The following DMAC1 variants were observed in gnomAD, a reference collection of about 807,000 sequenced individuals.
The protein encoded by DMAC1 is distal membrane-arm assembly complex protein 1.
In DMAC1, 10 loss-of-function variants were observed where a neutral mutation model predicts 7.0. The ratio of observed to expected loss-of-function variants is 1.43; its 90% CI spans 0.88 to 2.43. DMAC1 has a LOEUF of 2.43. Among genes scored for constraint, DMAC1 ranks in the 30% most tolerant of loss-of-function variants. The pLI is 0.00. For synonymous variants in DMAC1, 92 were observed against 66.2 expected (o/e 1.39, Z -1.90); for missense variants, 219 against 158.7 (o/e 1.38, Z -2.04).
Position 7,796,978 on chromosome 9 carries a change from T to C in DMAC1, c.*1595A>G, listed in dbSNP as rs537046669. 2 of 152,332 alleles carry C rather than the reference T, an allele frequency of 1.3e-5. No homozygotes were observed. Among genetic ancestry groups the C allele is most frequent in the South Asian group, 4.1e-4 (2 of 4,830 alleles). The allele number at this position is 152,332 out of a possible 1,614,324, so 9.4% of individuals were successfully genotyped here. ...GCAAATGTTCAGCGCTCTTAACTCC[T>C]GTGTTGTCCAAGGGTCAACTGTATA... On this transcript the variant is annotated 3_prime_UTR_variant, in exon 2 of 2. Coordinates refer to ENST00000358227, the MANE Select transcript of DMAC1 (RefSeq NM_033428.3).
At chr9:7,798,930 A>G (rs975357551) in intron 1 of DMAC1, among the ~76,000 whole-genome samples, 1 of 152,192 alleles carries the variant, frequency 6.6e-6, no homozygotes, top group Non-Finnish European at 1.5e-5. Context: ...GTTTGATTGG[A>G]TGACATCTTG....
rs1349609872 is a variant in DMAC1, at chr9:7,798,407, C to G, written c.*166G>C. ...TGTGAAGGCCACAAACACTCCATAG[C>G]CAGAGAATGACAACATACGATTTTC... On this transcript the variant is annotated 3_prime_UTR_variant, in exon 2 of 2. Coordinates refer to ENST00000358227, the MANE Select transcript of DMAC1 (RefSeq NM_033428.3). The G allele has an allele frequency of 4.0e-6, 3 of 754,180 alleles. No individual in the cohort carries two copies. Among genetic ancestry groups the G allele is most frequent in the African/African-American group, 1.7e-5 (1 of 58,448 alleles). 46.7% of individuals were successfully genotyped at this position (754,180 alleles called of 1,614,324 possible).
At position 7,799,737 on chromosome 9, in the gene DMAC1, T is replaced by C. The variant is rs1462610220; in HGVS notation, c.-3A>G. On this transcript the variant is annotated 5_prime_UTR_variant, in exon 1 of 2. Coordinates refer to ENST00000358227, the MANE Select transcript of DMAC1 (RefSeq NM_033428.3). ...GGCTGGGACAACCGAGACCCCATGC[T>C]CTGGAACTCGGCCTCAACCTTGGGC... 3 of 1,518,436 alleles carry C rather than the reference T, an allele frequency of 2.0e-6. No homozygotes were observed. Among genetic ancestry groups the C allele is most frequent in the African/African-American group, 2.8e-5 (2 of 72,142 alleles). 94.1% of individuals were successfully genotyped at this position (1,518,436 alleles called of 1,614,324 possible). A position where few individuals can be genotyped will look rare whatever the true frequency, so the allele number is the denominator to read the frequency against.
In DMAC1 at chr9:7,799,662, T is replaced by G. The variant is rs1241157824; in HGVS notation, c.73A>C (p.Lys25Gln). The G allele has an allele frequency of 1.9e-6, 3 of 1,609,248 alleles. No homozygotes were observed. The highest frequency in any genetic ancestry group is 2.7e-5 in the African/African-American group (2 of 74,822). ...CCGGGTGTAGCTGGGGGCGCAGGTT[T>G]GGCGGGCGCGGCGGCGGTACCGGGA... ...APPGTAAAPA[K>Q]PAPPATPGAP... Residue 25 changes from lysine to glutamine, a missense_variant, in exon 1 of 2, where the codon AAA becomes CAA. Physicochemically the swap from Lys to Gln is moderately conservative, Grantham distance 53 (BLOSUM62 1). Coordinates refer to ENST00000358227, the MANE Select transcript of DMAC1 (RefSeq NM_033428.3).
At chr9:7,798,881 T>C (rs184610164) in intron 1 of DMAC1, among the ~76,000 whole-genome samples, 3 of 152,264 alleles carry the variant, frequency 2.0e-5, no homozygotes, top group African/African-American at 7.2e-5. Flanking sequence ...TAAAATTCTA[T>C]TCACTGACAA....
At chr9:7,799,401 G>C in intron 1 of DMAC1, 60 bp downstream of exon 1, 1 of 1,581,210 alleles carries the variant, frequency 6.3e-7, no homozygotes, top group Non-Finnish European at 8.6e-7. Context: ...TGGCTGCTCC[G>C]TTTCCTTCCT....
Position 7,798,537 on chromosome 9 carries a change from G to A in DMAC1, c.*36C>T, listed in dbSNP as rs1818664341. ...CCTGCTGTGTGTGTCACGGGGAAAG[G>A]GACAGAGACAGAAGACAGATTCACT... On this transcript the variant is annotated 3_prime_UTR_variant, in exon 2 of 2. Transcript: ENST00000358227. The A allele has an allele frequency of 6.2e-7, 1 of 1,609,924 alleles. No homozygotes were observed. The highest frequency in any genetic ancestry group is 2.2e-5 in the East Asian group (1 of 44,860).
rs770004403 is a variant in DMAC1, at chr9:7,798,451, C to T, written c.*122G>A. 1.9e-6 allele frequency: 2 copies of T among 1,076,744 alleles called. No individual in the cohort carries two copies. The highest frequency in any genetic ancestry group is 2.9e-6 in the Non-Finnish European group (2 of 691,008). The allele number at this position is 1,076,744 out of a possible 1,614,324, so 66.7% of individuals were successfully genotyped here. ...GATTTTCTTCTCAGTCTTGTAGTATCCACAGTAGTGATGTCTGTCCATGTA... is the reference window on the plus strand; with the variant it reads ...GATTTTCTTCTCAGTCTTGTAGTATTCACAGTAGTGATGTCTGTCCATGTA... On this transcript the variant is annotated 3_prime_UTR_variant, in exon 2 of 2. Transcript: ENST00000358227.
At chr9:7,798,700 T>C in intron 1 of DMAC1, 63 bp from the exon 2 acceptor site, 9 of 1,364,934 alleles carry the variant, frequency 6.6e-6, no homozygotes, top group Middle Eastern at 4.1e-4. Context: ...GTGTTTCACA[T>C]ATACGCCATC....
chr9:7,798,264 G>A lies in DMAC1; in HGVS notation c.*309C>T, dbSNP rs897066099. On this transcript the variant is annotated 3_prime_UTR_variant, in exon 2 of 2. Transcript: ENST00000358227. ...GCAATTATATAAGACATACTATTATGTTTATATATAATGCTTAATTAAGCA... is the reference window on the plus strand; with the variant it reads ...GCAATTATATAAGACATACTATTATATTTATATATAATGCTTAATTAAGCA... 3.8e-6 allele frequency: 1 copy of A among 259,750 alleles called. No individual in the cohort carries two copies. The highest frequency in any genetic ancestry group is 2.2e-5 in the African/African-American group (1 of 46,148). The allele number at this position is 259,750 out of a possible 1,614,324, so 16.1% of individuals were successfully genotyped here.
intron 1 of DMAC1, among the ~76,000 whole-genome samples, chr9:7,799,239 G>T (rs964160208): frequency 6.6e-6 from 1 of 151,658 alleles, no homozygotes; most frequent in Non-Finnish European, 1.5e-5. Context: ...AATTAAAAGG[G>T]CTGAGTCTAA....
At position 7,798,193 on chromosome 9, in the gene DMAC1, A is replaced by C. The variant is rs988461086; in HGVS notation, c.*380T>G. 2.4e-4 allele frequency: 37 copies of C among 156,252 alleles called. No individual in the cohort carries two copies. The highest frequency in any genetic ancestry group is 8.6e-4 in the African/African-American group (36 of 41,706). The allele number at this position is 156,252 out of a possible 1,614,324, so 9.7% of individuals were successfully genotyped here. A position where few individuals can be genotyped will look rare whatever the true frequency, so the allele number is the denominator to read the frequency against. On this transcript the variant is annotated 3_prime_UTR_variant, in exon 2 of 2. Coordinates refer to ENST00000358227, the MANE Select transcript of DMAC1 (RefSeq NM_033428.3). ...TTTAAAAGTTTTAAAAATTATACTA[A>C]CTATATAACTAAACATATTTATGTT... is the stretch of plus-strand genomic sequence containing the variant.
rs756244268 is a variant in DMAC1 at position 7,797,288 on chromosome 9, C to G, written c.*1285G>C. ...ATTTCATATAAATAATATCTTGTTG[C>G]GTACTTTAGGTTTGAAATGTTTTCT... On this transcript the variant is annotated 3_prime_UTR_variant, in exon 2 of 2. Coordinates refer to ENST00000358227, the MANE Select transcript of DMAC1 (RefSeq NM_033428.3). The G allele has an allele frequency of 1.2e-4, 19 of 152,124 alleles. No individual in the cohort carries two copies. Among genetic ancestry groups the G allele is most frequent in the African/African-American group, 4.1e-4 (17 of 41,402 alleles). 9.4% of individuals were successfully genotyped at this position (152,124 alleles called of 1,614,324 possible).
chr9:7,799,437 C>T, intron 1 of DMAC1, 24 bp downstream of exon 1: 1 of 1,611,398 alleles, frequency 6.2e-7, no homozygotes, highest in East Asian at 2.2e-5. Context: ...CCAACCCGCC[C>T]AAGTGCTGTG....
chr9:7,799,636 T>A lies in DMAC1; in HGVS notation c.99A>T (p.Gly33=). ...GGTGTTCTGCTGGGGAGGTCGGCGCTCCGGGTGTAGCTGGGGGCGCAGGTT... is the reference window on the plus strand; with the variant it reads ...GGTGTTCTGCTGGGGAGGTCGGCGCACCGGGTGTAGCTGGGGGCGCAGGTT... ...PAKPAPPATP[G]APTSPAEHRL... is the part of the protein sequence containing the mutation. Residue 33 remains glycine, a synonymous_variant, in exon 1 of 2, where the codon GGA becomes GGT. Coordinates refer to ENST00000358227, the MANE Select transcript of DMAC1 (RefSeq NM_033428.3). The A allele has an allele frequency of 3.7e-6, 6 of 1,612,668 alleles. No individual in the cohort carries two copies. Among genetic ancestry groups the A allele is most frequent in the Non-Finnish European group, 5.1e-6 (6 of 1,179,746 alleles).
rs1369454986 is a variant in DMAC1, at chr9:7,797,274, A to G, written c.*1299T>C. 6.6e-6 allele frequency: 1 copy of G among 152,214 alleles called. No homozygotes were observed. The highest frequency in any genetic ancestry group is 2.4e-5 in the African/African-American group (1 of 41,436). 9.4% of individuals were successfully genotyped at this position (152,214 alleles called of 1,614,324 possible). On this transcript the variant is annotated 3_prime_UTR_variant, in exon 2 of 2. Coordinates refer to ENST00000358227, the MANE Select transcript of DMAC1 (RefSeq NM_033428.3). ...TAACTGAGCTATGGATTTCATATAAATAATATCTTGTTGCGTACTTTAGGT... is the reference window on the plus strand; with the variant it reads ...TAACTGAGCTATGGATTTCATATAAGTAATATCTTGTTGCGTACTTTAGGT...
In DMAC1 at chr9:7,797,102, C is replaced by T. The variant is rs1455212292; in HGVS notation, c.*1471G>A. On this transcript the variant is annotated 3_prime_UTR_variant, in exon 2 of 2. Transcript: ENST00000358227. ...CAAAGAAAATGTTCAGGGACTAAAG[C>T]AGTCCATCAATAGAACAGACTGCCT... 1 of 152,214 alleles carries T rather than the reference C, an allele frequency of 6.6e-6. No homozygotes were observed. The allele number at this position is 152,214 out of a possible 1,614,324, so 9.4% of individuals were successfully genotyped here. A position where few individuals can be genotyped will look rare whatever the true frequency, so the allele number is the denominator to read the frequency against.
chr9:7,799,281 T>TAAA (rs1201684409), intron 1 of DMAC1, among the ~76,000 whole-genome samples, 180 bp downstream of exon 1: 15 of 140,306 alleles, frequency 1.1e-4, no homozygotes, highest in African/African-American at 3.4e-4. Context: ...AACTTAAAAT[T>TAAA]AAAAAAAAAA....
chr9:7,799,357 G>T, intron 1 of DMAC1, 104 bp downstream of exon 1: 2 of 1,358,456 alleles, frequency 1.5e-6, no homozygotes, highest in Non-Finnish European at 1.9e-6. Flanking sequence ...CCTGACCAGC[G>T]GCAGCACCCC....
Sources: allele counts gnomAD v4.1 joint callset (sites outside exome capture counted in the v4.1 genomes callset), GRCh38; gene constraint gnomAD v4.1.1; transcripts MANE v1.5; gene names NCBI Gene and HGNC (gene_info 2026-07-23, HGNC 2026-07-21).